Variants in EEF2KMT observed in about 807,000 individuals in gnomAD.
EEF2KMT encodes the protein eukaryotic elongation factor 2 lysine methyltransferase, also known as protein-lysine N-methyltransferase EEF2KMT.
In EEF2KMT, 30 loss-of-function variants were observed where a neutral mutation model predicts 35.1. The ratio of observed to expected loss-of-function variants is 0.85; its 90% CI spans 0.64 to 1.16. EEF2KMT has a LOEUF of 1.16. EEF2KMT is among the 50% of genes most tolerant of loss of function. EEF2KMT has a pLI of 0.00. For synonymous variants in EEF2KMT, 190 were observed against 187.7 expected, an observed-to-expected ratio of 1.01 and a Z score of -0.10; for missense variants, 499 against 438.2, an observed-to-expected ratio of 1.14 and a Z score of -1.24.
intron 1 of EEF2KMT, among the ~76,000 whole-genome samples, chr16:5,096,177 C>T (rs1306165391): frequency 1.3e-5 from 2 of 152,160 alleles, no homozygotes; most frequent in Non-Finnish European, 2.9e-5. Context: ...CCAAGCCCTT[C>T]CCATGGCTGG....
At chr16:5,094,516 G>A (rs1957411495) in intron 2 of EEF2KMT, among the ~76,000 whole-genome samples, 1 of 152,196 alleles carries the variant, frequency 6.6e-6, no homozygotes. Context: ...GTCCACCTCA[G>A]CCTCCCAAAG....
intron 1 of EEF2KMT, chr16:5,097,199 G>A (rs532471701): frequency 7.7e-5 from 74 of 965,748 alleles, no homozygotes; most frequent in Non-Finnish European, 9.9e-5. Context: ...ATTCTGTGCA[G>A]TGCTCAACAT....
intron 7 of EEF2KMT, among the ~76,000 whole-genome samples, chr16:5,086,029 C>T (rs559311174): frequency 1.3e-5 from 2 of 152,310 alleles, no homozygotes; most frequent in African/African-American, 4.8e-5. Flanking sequence ...AATAGTCAAC[C>T]CACTCTTCAC....
chr16:5,085,707 C>G lies in EEF2KMT; in HGVS notation c.918G>C (p.Val306=). 6.2e-7 allele frequency: 1 copy of G among 1,611,842 alleles called. No individual in the cohort carries two copies. The highest frequency in any genetic ancestry group is 8.5e-7 in the Non-Finnish European group (1 of 1,179,754). ...ACAGTTTCTGCTCATGACGAGGTTC[C>G]ACTTCCCATCTGATCCCGGCCCGGC... The part of the protein sequence containing the change: ...ELGRAGIRWE[V]EPRHEQKLFP... The change falls in exon 8 of 8, where the codon GTG becomes GTC. Residue 306 remains valine (V), a synonymous_variant. Transcript: ENST00000427587.
chr16:5,088,940 C>G (rs1957276173), intron 7 of EEF2KMT, among the ~76,000 whole-genome samples, 167 bp downstream of exon 7: 1 of 152,228 alleles, frequency 6.6e-6, no homozygotes, highest in South Asian at 2.1e-4. Flanking sequence ...GCAAGCCCCC[C>G]ACGCCCCAAG....
In EEF2KMT at chr16:5,093,814, G is replaced by A. The variant is rs1332548929; in HGVS notation, c.160-250C>T. ...ACGCCCATTCTGAGCAGGAACACAGGGCATGTGGGCCCAAACCGCCTCCCT... is the reference window on the plus strand; with the variant it reads ...ACGCCCATTCTGAGCAGGAACACAGAGCATGTGGGCCCAAACCGCCTCCCT... On this transcript the variant is annotated intron_variant, in intron 2 of 7. Transcript: ENST00000427587. Among the ~76,000 whole-genome samples, 24 of 152,200 alleles carry A rather than the reference G, an allele frequency of 1.6e-4. 1 individual carries two copies. Among genetic ancestry groups the A allele is most frequent in the Admixed American group, 1.6e-3 (24 of 15,284 alleles).
In EEF2KMT at chr16:5,097,646, G is replaced by T; in HGVS notation, c.94C>A (p.Gln32Lys). The change falls in exon 1 of 8, where the codon CAG (glutamine) becomes AAG (lysine). Residue 32 changes from glutamine (Q) to lysine (K), a missense_variant and splice_region_variant. Coordinates refer to ENST00000427587, the MANE Select transcript of EEF2KMT (RefSeq NM_201400.4). ...TCTCCGCTCGCCCCGCCGCCCACCT[G>T]CCAGGGGAAGGAGCGCAGTGTGCGT... ...AARTLRSFPWQSLEAKLRDSS... is the reference protein window; with the variant it reads ...AARTLRSFPWKSLEAKLRDSS... The T allele has an allele frequency of 1.9e-6, 3 of 1,566,402 alleles. No homozygotes were observed. The highest frequency in any genetic ancestry group is 2.6e-6 in the Non-Finnish European group (3 of 1,162,662).
chr16:5,097,561 G>A (rs752991140), intron 1 of EEF2KMT, 83 bp downstream of exon 1: 11 of 1,519,204 alleles, frequency 7.2e-6, no homozygotes, highest in East Asian at 5.0e-5. Flanking sequence ...GGGAGCGCCA[G>A]GGGCTTCAGC....
At chr16:5,092,066 C>G (rs1957351297) in intron 3 of EEF2KMT, 171 bp from the exon 4 acceptor site, 5 of 1,272,126 alleles carry the variant, frequency 3.9e-6, no homozygotes, top group Non-Finnish European at 5.4e-6. Flanking sequence ...CCGAATAGTC[C>G]CAGCTACTCT....
intron 3 of EEF2KMT, among the ~76,000 whole-genome samples, chr16:5,092,212 A>AG (rs1957354390): frequency 2.0e-5 from 3 of 151,846 alleles, no homozygotes; most frequent in Admixed American, 2.0e-4. Context: ...AGGTGTTGGG[A>AG]GGGTAGGGTT....
In EEF2KMT at chr16:5,096,036, C is replaced by T. The variant is rs556201624; in HGVS notation, c.97-522G>A. Among the ~76,000 whole-genome samples the T allele has an allele frequency of 6.6e-5, 10 of 152,200 alleles. 1 individual carries two copies. The South Asian group carries it at 2.1e-3, about 32-fold the overall frequency. On this transcript the variant is annotated intron_variant, in intron 1 of 7. Transcript: ENST00000427587. ...CCTACAAGACCTGGTCCTAATCCCT[C>T]TCTCTGGCCTGTTCTCCCTCACCCC... is the stretch of plus-strand genomic sequence containing the variant.
In EEF2KMT at chr16:5,090,321, C is replaced by G. The variant is rs772775979; in HGVS notation, c.505G>C (p.Gly169Arg). The stretch of plus-strand genomic sequence containing the variant: ...TTGCAGATGGCCAGGCCTGTGAGGC[C>G]AGCACCACTGCCAAGCTCTAGGACA... ...RTVLELGSGA[G>R]LTGLAICKMC... is the part of the protein sequence containing the mutation. The change falls in exon 6 of 8, where the codon GGC becomes CGC. Residue 169 changes from glycine (G) to arginine (R), a missense_variant. Physicochemically the swap from Gly to Arg is moderately radical, Grantham distance 125. Coordinates refer to ENST00000427587, the MANE Select transcript of EEF2KMT (RefSeq NM_201400.4). The surrounding 1 kb of genome is among the most constrained non-coding windows in gnomAD (Gnocchi z 4.1). 7.4e-6 allele frequency: 12 copies of G among 1,611,952 alleles called. No homozygotes were observed. In the African/African-American group the frequency reaches 1.6e-4, roughly 22 times the overall value.
chr16:5,095,509 T>C lies in EEF2KMT; in HGVS notation c.102A>G (p.Leu34=). Residue 34 remains leucine (L), a synonymous_variant, in exon 2 of 8, where the codon TTA becomes TTG. Coordinates refer to ENST00000427587, the MANE Select transcript of EEF2KMT (RefSeq NM_201400.4). The part of the protein sequence containing the change: ...RTLRSFPWQS[L]EAKLRDSSDS... ...CTGATGAGTCTCTTAACTTTGCTTC[T>C]AAGCTCTGTGTGGAGGGGAAAGAGA... 2 of 1,611,626 alleles carry C rather than the reference T, an allele frequency of 1.2e-6. No individual in the cohort carries two copies. Among genetic ancestry groups the C allele is most frequent in the Non-Finnish European group, 8.5e-7 (1 of 1,179,582 alleles).
intron 2 of EEF2KMT, among the ~76,000 whole-genome samples, chr16:5,094,557 C>A (rs1596280071): frequency 1.3e-5 from 2 of 152,320 alleles, no homozygotes; most frequent in East Asian, 3.9e-4. Context: ...GCCAGTGCAC[C>A]CAGCCTTGTG....
Position 5,092,304 on chromosome 16 carries a change from CAGAG to C in EEF2KMT, c.241-413_241-410del, listed in dbSNP as rs149372604. The stretch of plus-strand genomic sequence containing the variant: ...TAGAGAGCCGTGTTTGGATCAAACA[CAGAG>C]AGGAGGAAAACAAAAGGTGCTTTTA... On this transcript the variant is annotated intron_variant, in intron 3 of 7. Transcript: ENST00000427587. Among the ~76,000 whole-genome samples the C allele has an allele frequency of 6.7e-3, 1,024 of 152,262 alleles. 8 individuals carry two copies. The highest frequency in any genetic ancestry group is 0.023 in the African/African-American group (976 of 41,538).
In EEF2KMT at chr16:5,097,674, C is replaced by G. The variant is rs1368678092; in HGVS notation, c.66G>C (p.Ala22=). The G allele has an allele frequency of 3.2e-6, 5 of 1,578,752 alleles. No homozygotes were observed. The highest frequency in any genetic ancestry group is 4.3e-6 in the Non-Finnish European group (5 of 1,168,116). Residue 22 remains alanine (A), a synonymous_variant, in exon 1 of 8, where the codon GCG becomes GCC. Transcript: ENST00000427587. ...AGGGGAAGGAGCGCAGTGTGCGTGC[C>G]GCCAGGAAGCGGCGCTCGAAACTCT... ...LLQSFERRFL[A]ARTLRSFPWQ...
Position 5,088,340 on chromosome 16 carries a change from C to T in EEF2KMT, c.892+767G>A, listed in dbSNP as rs138485229. Among the ~76,000 whole-genome samples, 873 of 152,302 alleles carry T rather than the reference C, an allele frequency of 5.7e-3. 5 individuals are homozygous for T. Among genetic ancestry groups the T allele is most frequent in the Middle Eastern group, 0.027 (8 of 294 alleles). ...GCTCTGTAGTTAACGGGCTGCCCCA[C>T]GTGGACAGGCACTGGGTTGTCTGTG... On this transcript the variant is annotated intron_variant, in intron 7 of 7. Transcript: ENST00000427587.
intron 2 of EEF2KMT, among the ~76,000 whole-genome samples, chr16:5,094,842 T>C (rs1957419657): frequency 6.6e-6 from 1 of 152,074 alleles, no homozygotes; most frequent in Non-Finnish European, 1.5e-5. Context: ...GTATGGAAAA[T>C]GTATTCTTCT....
chr16:5,093,911 C>G (rs180951585), intron 2 of EEF2KMT, among the ~76,000 whole-genome samples: 1 of 152,218 alleles, frequency 6.6e-6, no homozygotes, highest in Non-Finnish European at 1.5e-5. Context: ...ATGGAAGAGG[C>G]GGGAAGGCCC....
Sources: allele counts gnomAD v4.1 joint callset (sites outside exome capture counted in the v4.1 genomes callset), GRCh38; gene constraint gnomAD v4.1.1; non-coding constraint Gnocchi (gnomAD v3.1); transcripts MANE v1.5; gene names NCBI Gene and HGNC (gene_info 2026-07-23, HGNC 2026-07-21).